Variants in MUCL1 observed in about 807,000 individuals in gnomAD.
MUCL1 encodes mucin like 1, also known as mucin-like protein 1.
MUCL1 carries 11 observed loss-of-function variants against 9.2 expected under a neutral mutation model. The ratio of observed to expected loss-of-function variants is 1.19; its 90% CI spans 0.75 to 1.97. The LOEUF is 1.97. MUCL1 is among the 30% of genes most tolerant of loss of function. The pLI is 0.00. For missense variants in MUCL1, 144 were observed against 110.9 expected (o/e 1.30, Z -1.34); for synonymous variants, 48 against 40.5 (o/e 1.19, Z -0.71).
intron 1 of MUCL1, among the ~76,000 whole-genome samples, chr12:54,847,323 G>A (rs1046476489): frequency 3.3e-5 from 5 of 152,132 alleles, no homozygotes; most frequent in African/African-American, 4.8e-5. Flanking sequence ...GACAAGCAAA[G>A]AGCAAAGAAA....
chr12:54,851,203 C>T (rs1046429985), upstream of MUCL1, among the ~76,000 whole-genome samples: 63 of 152,188 alleles, frequency 4.1e-4, no homozygotes, highest in African/African-American at 1.3e-3. Flanking sequence ...GTTGCCATTG[C>T]TTTTGGTGTT....
At chr12:54,855,707 G>A (rs1868293488) in intron 2 of MUCL1, among the ~76,000 whole-genome samples, 1 of 152,204 alleles carries the variant, frequency 6.6e-6, no homozygotes, top group Non-Finnish European at 1.5e-5. Flanking sequence ...GTAGACCAAA[G>A]CCTTTAGTCA....
upstream of MUCL1, among the ~76,000 whole-genome samples, chr12:54,837,126 G>A (rs1449756497): frequency 6.6e-6 from 1 of 152,040 alleles, no homozygotes; most frequent in African/African-American, 2.4e-5. Flanking sequence ...TAAGTCCAGT[G>A]TTTCTTTGTT....
intron 1 of MUCL1, among the ~76,000 whole-genome samples, chr12:54,833,802 CA>C (rs1348051141): frequency 3.6e-5 from 5 of 137,640 alleles, no homozygotes; most frequent in Non-Finnish European, 7.6e-5. Flanking sequence ...AGGGGAACAT[CA>C]CACTCTGGGG....
intron 1 of MUCL1, among the ~76,000 whole-genome samples, chr12:54,842,955 G>A (rs866354819): frequency 1.7e-4 from 26 of 152,054 alleles, no homozygotes; most frequent in African/African-American, 5.1e-4. Context: ...GTTTAGATAC[G>A]TTTAGACACA....
At chr12:54,846,198 T>C (rs1229543450) in intron 1 of MUCL1, among the ~76,000 whole-genome samples, 10 of 152,144 alleles carry the variant, frequency 6.6e-5, no homozygotes, top group Admixed American at 6.6e-4. Flanking sequence ...ACACAAGCCG[T>C]CTGCAGATGG....
upstream of MUCL1, among the ~76,000 whole-genome samples, chr12:54,838,383 A>T (rs1959196850): frequency 6.6e-6 from 1 of 152,186 alleles, no homozygotes; most frequent in Non-Finnish European, 1.5e-5. Flanking sequence ...CATTGACTTT[A>T]GATGGCCTGA....
intron 1 of MUCL1, among the ~76,000 whole-genome samples, chr12:54,846,382 G>C (rs188299989): frequency 1.3e-5 from 2 of 152,248 alleles, no homozygotes; most frequent in African/African-American, 4.8e-5. Flanking sequence ...CTGAAGGAGC[G>C]AGCCACATCC....
intron 1 of MUCL1, among the ~76,000 whole-genome samples, chr12:54,831,278 A>G (rs1014200987): frequency 6.6e-6 from 1 of 152,154 alleles, no homozygotes; most frequent in African/African-American, 2.4e-5. Context: ...CTTAGAGATA[A>G]ATGAGTGCTT....
intron 3 of MUCL1, among the ~76,000 whole-genome samples, chr12:54,857,268 GTT>G (rs58469670): frequency 6.7e-6 from 1 of 148,628 alleles, no homozygotes; most frequent in Non-Finnish European, 1.5e-5. Flanking sequence ...GTGTGTGTGT[GTT>G]TAAATCAGGC....
chr12:54,839,957 G>A (rs1356104605), intron 1 of MUCL1, among the ~76,000 whole-genome samples: 1 of 152,100 alleles, frequency 6.6e-6, no homozygotes, highest in Non-Finnish European at 1.5e-5. Context: ...TTCACAAGCA[G>A]AAAGTTCTGG....
At chr12:54,857,018 C>T in intron 3 of MUCL1, 126 bp downstream of exon 3, 1 of 1,383,328 alleles carries the variant, frequency 7.2e-7, no homozygotes, top group African/African-American at 1.4e-5. Context: ...TCTCTAAATC[C>T]TTGTAGTTTC....
chr12:54,848,937 G>A (rs1287093676), intron 1 of MUCL1, among the ~76,000 whole-genome samples: 1 of 151,916 alleles, frequency 6.6e-6, no homozygotes. Context: ...TGTACATAAG[G>A]GTACATTAAA....
chr12:54,856,717 AT>A, intron 2 of MUCL1, 52 bp from the exon 3 acceptor site: 1 of 1,558,126 alleles, frequency 6.4e-7, no homozygotes. Context: ...GGTGGGATAA[AT>A]TTTGTTCCAG....
chr12:54,850,911 T>A (rs1229377896), upstream of MUCL1, among the ~76,000 whole-genome samples: 1 of 152,204 alleles, frequency 6.6e-6, no homozygotes, highest in Admixed American at 6.5e-5. Context: ...TGATGGCCAG[T>A]GATGGTGAGC....
At chr12:54,854,433 C>T, upstream of MUCL1, 1 of 598,276 alleles carries the variant, frequency 1.7e-6, no homozygotes, top group South Asian at 2.2e-5. Context: ...CGTTTCCTGG[C>T]ATTACCTAAC....
intron 1 of MUCL1, among the ~76,000 whole-genome samples, chr12:54,841,549 G>A (rs984110260): frequency 3.3e-5 from 5 of 152,106 alleles, no homozygotes; most frequent in Admixed American, 3.3e-4. Context: ...TAGGTGGGAG[G>A]TGATATCACA....
chr12:54,839,155 A>T, upstream of MUCL1, among the ~76,000 whole-genome samples: 1 of 151,594 alleles, frequency 6.6e-6, no homozygotes, highest in East Asian at 1.9e-4. Context: ...ATTAGAACTT[A>T]ATTTGGCTCT....
In MUCL1 at chr12:54,856,855, C is replaced by G. The variant is rs1410715691; in HGVS notation, c.186C>G (p.Thr62=). Residue 62 remains threonine (T), a synonymous_variant, in exon 3 of 4, where the codon ACC becomes ACG. Coordinates refer to ENST00000308796, the MANE Select transcript of MUCL1 (RefSeq NM_058173.3). ...CCACTGCTGCTCCTACCACTGCAAC[C>G]ACCGCTGCTTCTACCACTGCTCGTA... ...TATTAAPTTA[T]TAASTTARKD... is the part of the protein sequence containing the mutation. The G allele has an allele frequency of 6.2e-7, 1 of 1,612,932 alleles. No individual in the cohort carries two copies. Among genetic ancestry groups the G allele is most frequent in the Admixed American group, 1.7e-5 (1 of 59,884 alleles).
Sources: gnomAD v4.1 joint callset for allele counts (sites outside exome capture counted in the v4.1 genomes callset) on GRCh38, gnomAD v4.1.1 for gene constraint, MANE v1.5 for transcripts, NCBI Gene and HGNC (gene_info 2026-07-23, HGNC 2026-07-21) for gene names.